GOLIM4: variants seen among roughly 807,000 people sequenced by gnomAD.
GOLIM4 encodes the protein 130 kDa golgi-localized phosphoprotein.
A neutral mutation model predicts 107.4 loss-of-function variants in GOLIM4; 71 were observed. The observed-to-expected ratio is 0.66, with a 90% CI of 0.55 to 0.81. The LOEUF is 0.81. GOLIM4 is among the 30% of genes least tolerant of loss of function. The pLI, the probability that GOLIM4 is intolerant of heterozygous loss-of-function variation, is 0.00. For synonymous variants in GOLIM4, 327 were observed against 294.8 expected (o/e 1.11, Z -1.12); for missense variants, 830 against 826.1 (o/e 1.00, Z -0.06).
intron 1 of GOLIM4, among the ~76,000 whole-genome samples, chr3:168,052,039 C>T (rs6789356): frequency 0.015 from 2,248 of 152,162 alleles, 44 homozygotes; most frequent in African/African-American, 0.052. Flanking sequence ...GAAGACACAG[C>T]CTTGATGCCT....
At position 168,009,539 on chromosome 3, in the gene GOLIM4, G is replaced by A. The variant is rs1008110765; in HGVS notation, c.*730C>T. 6.7e-6 allele frequency: 1 copy of A among 150,146 alleles called. No individual in the cohort carries two copies. Among genetic ancestry groups the A allele is most frequent in the Non-Finnish European group, 1.5e-5 (1 of 67,682 alleles). 9.3% of individuals were successfully genotyped at this position (150,146 alleles called of 1,614,324 possible). On this transcript the variant is annotated 3_prime_UTR_variant, in exon 16 of 16. Coordinates refer to ENST00000470487, the MANE Select transcript of GOLIM4 (RefSeq NM_014498.5). ...AGTCCTTCCAAAAGGTGAATATGTT[G>A]ATGTGTCCATACCTTGTTTGAACAC...
chr3:168,056,931 A>G (rs1720005639), intron 1 of GOLIM4, among the ~76,000 whole-genome samples: 2 of 152,168 alleles, frequency 1.3e-5, no homozygotes, highest in African/African-American at 4.8e-5. Flanking sequence ...TCGGGAAAGC[A>G]TAATTGGTTT....
In GOLIM4 at chr3:168,009,039, A is replaced by G. The variant is rs1716832706; in HGVS notation, c.*1230T>C. 1 of 152,106 alleles carries G rather than the reference A, an allele frequency of 6.6e-6. No individual in the cohort carries two copies. Among genetic ancestry groups the G allele is most frequent in the African/African-American group, 2.4e-5 (1 of 41,410 alleles). The allele number at this position is 152,106 out of a possible 1,614,324, so 9.4% of individuals were successfully genotyped here. ...TTTTTATTAATTTGATTATTAATAC[A>G]AAACCACACATATATGAATTATATA... is the stretch of plus-strand genomic sequence containing the variant. On this transcript the variant is annotated 3_prime_UTR_variant, in exon 16 of 16. Coordinates refer to ENST00000470487, the MANE Select transcript of GOLIM4 (RefSeq NM_014498.5).
intron 8 of GOLIM4, among the ~76,000 whole-genome samples, chr3:168,035,864 A>C (rs927348929): frequency 1.1e-4 from 16 of 152,148 alleles, no homozygotes; most frequent in Admixed American, 6.5e-4. Context: ...AAAAAAAAAC[A>C]ACCTTTGTAG....
intron 8 of GOLIM4, among the ~76,000 whole-genome samples, chr3:168,033,166 C>A (rs895775115): frequency 1.3e-5 from 2 of 152,136 alleles, no homozygotes; most frequent in African/African-American, 4.8e-5. Flanking sequence ...TAAAAAGGAA[C>A]AAAACCTCAA....
intron 1 of GOLIM4, among the ~76,000 whole-genome samples, chr3:168,062,872 T>A (rs1720346128): frequency 6.6e-6 from 1 of 152,202 alleles, no homozygotes; most frequent in Non-Finnish European, 1.5e-5. Context: ...TATTTCCGGC[T>A]TAGCTACTGT....
At chr3:168,069,540 T>C (rs1720733090) in intron 1 of GOLIM4, among the ~76,000 whole-genome samples, 1 of 152,208 alleles carries the variant, frequency 6.6e-6, no homozygotes, top group South Asian at 2.1e-4. Flanking sequence ...AAAACTCAAA[T>C]TCAGTGGAAT....
chr3:168,028,707 T>G (rs1471720371), intron 11 of GOLIM4, among the ~76,000 whole-genome samples: 1 of 152,238 alleles, frequency 6.6e-6, no homozygotes, highest in Non-Finnish European at 1.5e-5. Context: ...GGAGGTTGTA[T>G]GTAATCACTT....
At chr3:168,036,278 C>T (rs1411727318) in intron 8 of GOLIM4, among the ~76,000 whole-genome samples, 2 of 152,238 alleles carry the variant, frequency 1.3e-5, no homozygotes, top group South Asian at 2.1e-4. Flanking sequence ...TGGTGGCTCA[C>T]GCCTATAATC....
At chr3:168,020,172 C>A (rs959449408) in intron 14 of GOLIM4, among the ~76,000 whole-genome samples, 16 of 152,112 alleles carry the variant, frequency 1.1e-4, no homozygotes, top group African/African-American at 3.6e-4. Context: ...GCCCAAATTT[C>A]TTGTATGTAA....
intron 1 of GOLIM4, among the ~76,000 whole-genome samples, chr3:168,087,687 T>G (rs975447975): frequency 2.0e-5 from 3 of 152,182 alleles, no homozygotes; most frequent in Non-Finnish European, 2.9e-5. Context: ...TAAAATAATT[T>G]TGAGGGCAAT....
rs1171014588 is a variant in GOLIM4 at position 168,008,816 on chromosome 3, A to C, written c.*1453T>G. On this transcript the variant is annotated 3_prime_UTR_variant, in exon 16 of 16. Transcript: ENST00000470487. ...AATTGTATTCTGAATATTATGTACAATATTATACATTTTACATTACATAAT... is the reference window on the plus strand; with the variant it reads ...AATTGTATTCTGAATATTATGTACACTATTATACATTTTACATTACATAAT... The C allele has an allele frequency of 6.6e-6, 1 of 152,150 alleles. No individual in the cohort carries two copies. Among genetic ancestry groups the C allele is most frequent in the Admixed American group, 6.5e-5 (1 of 15,270 alleles). The allele number at this position is 152,150 out of a possible 1,614,324, so 9.4% of individuals were successfully genotyped here. A position where few individuals can be genotyped will look rare whatever the true frequency, so the allele number is the denominator to read the frequency against.
chr3:168,037,275 CTAATA>C (rs1191170125), intron 7 of GOLIM4, among the ~76,000 whole-genome samples: 3 of 152,020 alleles, frequency 2.0e-5, no homozygotes, highest in Non-Finnish European at 4.4e-5. Flanking sequence ...AAATAACTTA[CTAATA>C]TAAATATCAC....
chr3:168,066,367 C>T (rs1343990103), intron 1 of GOLIM4, among the ~76,000 whole-genome samples: 1 of 152,106 alleles, frequency 6.6e-6, no homozygotes, highest in African/African-American at 2.4e-5. Context: ...ATTACATATT[C>T]ATTTTCAAGC....
At position 168,057,683 on chromosome 3, in the gene GOLIM4, C is replaced by T. The variant is rs149116375; in HGVS notation, c.188-9318G>A. ...GGGTGGGGACACAGAGCAAGGCATT[C>T]AATAGATACTTCTTGAATAAATTAA... is the stretch of plus-strand genomic sequence containing the variant. On this transcript the variant is annotated intron_variant, in intron 1 of 15. Coordinates refer to ENST00000470487, the MANE Select transcript of GOLIM4 (RefSeq NM_014498.5). 4.7e-3 allele frequency among the ~76,000 whole-genome samples: 712 copies of T among 152,276 alleles called. 2 individuals are homozygous for T. Among genetic ancestry groups the T allele is most frequent in the African/African-American group, 0.016 (678 of 41,542 alleles).
intron 6 of GOLIM4, 147 bp downstream of exon 6, chr3:168,041,245 A>C (rs1718982643): frequency 3.5e-6 from 2 of 565,364 alleles, no homozygotes; most frequent in Non-Finnish European, 6.3e-6. Flanking sequence ...GAAGTGGTAA[A>C]AATATTAGGT....
At chr3:168,034,449 C>A (rs988464126) in intron 8 of GOLIM4, among the ~76,000 whole-genome samples, 8 of 152,144 alleles carry the variant, frequency 5.3e-5, no homozygotes, top group African/African-American at 1.9e-4. Flanking sequence ...ACATAAGAGC[C>A]TGAGAAAGAA....
chr3:168,090,092 T>C (rs1174740013), intron 1 of GOLIM4, among the ~76,000 whole-genome samples: 1 of 152,032 alleles, frequency 6.6e-6, no homozygotes, highest in African/African-American at 2.4e-5. Context: ...AAAAGTAGAT[T>C]TAGGGAAGGT....
At chr3:168,063,733 G>A (rs1036056689) in intron 1 of GOLIM4, among the ~76,000 whole-genome samples, 1 of 126,560 alleles carries the variant, frequency 7.9e-6, no homozygotes, top group Admixed American at 8.6e-5. Flanking sequence ...GGGGGAGGGG[G>A]GTGGGAGAGC....
Sources: allele counts gnomAD v4.1 joint callset (sites outside exome capture counted in the v4.1 genomes callset), GRCh38; gene constraint gnomAD v4.1.1; transcripts MANE v1.5; gene names NCBI Gene and HGNC (gene_info 2026-07-23, HGNC 2026-07-21).